The following EIF2B3 variants were observed in gnomAD, a reference collection of about 807,000 sequenced individuals.
EIF2B3 encodes translation initiation factor eIF2B subunit gamma.
In EIF2B3, 20 loss-of-function variants were observed where a neutral mutation model predicts 54.1. The ratio of observed to expected loss-of-function variants is 0.37; its 90% confidence interval spans 0.26 to 0.54. EIF2B3 has a LOEUF of 0.54. Among genes scored for constraint, EIF2B3 ranks in the 20% least tolerant of loss-of-function variants. The pLI is 0.86. For missense variants in EIF2B3, 448 were observed against 547.8 expected (o/e 0.82, Z 1.82); for synonymous variants, 153 against 188.1 (o/e 0.81, Z 1.52).
chr1:44,868,413 A>G (rs1452331032), intron 10 of EIF2B3, among the ~76,000 whole-genome samples: 2 of 151,308 alleles, frequency 1.3e-5, no homozygotes, highest in African/African-American at 4.8e-5. Flanking sequence ...AAAAAAAAAA[A>G]AAAAAAAAGA....
intron 4 of EIF2B3, among the ~76,000 whole-genome samples, chr1:44,934,409 CAA>C (rs1643924825): frequency 1.3e-5 from 2 of 151,948 alleles, no homozygotes; most frequent in African/African-American, 4.8e-5. Context: ...AAAAACAAAA[CAA>C]AACAAAACAA....
chr1:44,882,928 CTTTTTTTT>C (rs1003449669), intron 6 of EIF2B3, among the ~76,000 whole-genome samples: 1 of 114,456 alleles, frequency 8.7e-6, no homozygotes, highest in African/African-American at 3.5e-5. Context: ...TTTTCTTTTT[CTTTTTTTT>C]TTTTTTTTTT....
intron 3 of EIF2B3, among the ~76,000 whole-genome samples, chr1:44,966,970 T>C (rs1644348578): frequency 6.6e-6 from 1 of 151,770 alleles, no homozygotes; most frequent in African/African-American, 2.4e-5. Flanking sequence ...CACACGCCAC[T>C]ATGGCCAGCT....
rs147835328 is a variant in EIF2B3 at position 44,873,448 on chromosome 1, C to T, written c.1202+1230G>A. ...AATTTAGCTCTCCTTTCTCCCTTAC[C>T]CCCATTTCCCTTTCCATCTTTCATC... On this transcript the variant is annotated intron_variant, in intron 10 of 11. Coordinates refer to ENST00000360403, the MANE Select transcript of EIF2B3 (RefSeq NM_020365.5). 6.7e-3 allele frequency among the ~76,000 whole-genome samples: 1,015 copies of T among 152,128 alleles called. 13 individuals carry two copies. The highest frequency in any genetic ancestry group is 0.023 in the African/African-American group (964 of 41,502).
At chr1:44,985,184 A>G (rs567537631) in intron 1 of EIF2B3, among the ~76,000 whole-genome samples, 12 of 152,308 alleles carry the variant, frequency 7.9e-5, no homozygotes, top group African/African-American at 2.6e-4. Context: ...AAACCTTCGT[A>G]CTAATTGAGC....
At chr1:44,942,396 TATATATATATATATA>T (rs1644036748) in intron 3 of EIF2B3, among the ~76,000 whole-genome samples, 1 of 17,668 alleles carries the variant, frequency 5.7e-5, no homozygotes, top group Non-Finnish European at 1.1e-4. Flanking sequence ...TATATATATA[TATATATATATATATA>T]TATATATTTT....
intron 6 of EIF2B3, among the ~76,000 whole-genome samples, chr1:44,891,647 A>AAT (rs1655800686): frequency 6.6e-6 from 1 of 152,220 alleles, no homozygotes; most frequent in Non-Finnish European, 1.5e-5. Flanking sequence ...TCTTAACCTG[A>AAT]ATATAGTACT....
intron 6 of EIF2B3, among the ~76,000 whole-genome samples, chr1:44,884,437 C>T (rs572867485): frequency 8.5e-5 from 13 of 152,222 alleles, no homozygotes; most frequent in Admixed American, 7.8e-4. Context: ...AAGACAGAGG[C>T]AGAGGCTGAG....
At chr1:44,868,447 A>AT (rs2148898240) in intron 10 of EIF2B3, among the ~76,000 whole-genome samples, 1 of 149,476 alleles carries the variant, frequency 6.7e-6, no homozygotes, top group East Asian at 2.0e-4. Context: ...TTAGGGAGCC[A>AT]TGGTTTCCTC....
rs528634759 is a variant in EIF2B3 at position 44,908,455 on chromosome 1, A to G, written c.567-11011T>C. Among the ~76,000 whole-genome samples the G allele has an allele frequency of 2.0e-5, 3 of 152,338 alleles. No individual in the cohort carries two copies. The East Asian group carries it at 5.8e-4, about 29-fold the overall frequency. On this transcript the variant is annotated intron_variant, in intron 5 of 11. Transcript: ENST00000360403. ...GAAAAATAAGTTCTTAGCCAGGGAG[A>G]GAAGAGTAACTTTGGCTGAAGGATT...
chr1:44,945,887 C>G (rs1644096486), intron 3 of EIF2B3, among the ~76,000 whole-genome samples: 1 of 152,222 alleles, frequency 6.6e-6, no homozygotes, highest in Non-Finnish European at 1.5e-5. Context: ...GTTTACTGAT[C>G]TACAATAAAT....
At chr1:44,854,835 G>A (rs531655462) in intron 11 of EIF2B3, among the ~76,000 whole-genome samples, 299 of 152,070 alleles carry the variant, frequency 2.0e-3, no homozygotes, top group African/African-American at 6.8e-3. Context: ...GGATCCACCC[G>A]CCTCAGCCTC....
intron 3 of EIF2B3, among the ~76,000 whole-genome samples, chr1:44,953,342 A>G (rs890348365): frequency 7.9e-5 from 12 of 151,618 alleles, no homozygotes; most frequent in Admixed American, 2.6e-4. Flanking sequence ...CCTTCATATC[A>G]TAATTTCTCA....
At position 44,897,383 on chromosome 1, in the gene EIF2B3, A is replaced by AT; in HGVS notation, c.627dup (p.Tyr210IlefsTer18). 1 of 1,613,732 alleles carries AT rather than the reference A, an allele frequency of 6.2e-7. No homozygotes were observed. Among genetic ancestry groups the AT allele is most frequent in the Non-Finnish European group, 8.5e-7 (1 of 1,179,886 alleles). The stretch of plus-strand genomic sequence containing the variant: ...TTTTCCATTAGGAAATCCACGATGT[A>AT]TTTTTTCAAACAGTAGAGGTGGGCA... On this transcript the variant is annotated frameshift_variant, in exon 6 of 12. Transcript: ENST00000360403. LOFTEE classifies it high-confidence loss of function.
chr1:44,959,327 C>G, intron 3 of EIF2B3: 1 of 608,888 alleles, frequency 1.6e-6, no homozygotes, highest in Non-Finnish European at 3.0e-6. Context: ...AGTTTTGCCT[C>G]TCCTCTCTGA....
At chr1:44,939,305 T>C (rs775825804) in intron 4 of EIF2B3, among the ~76,000 whole-genome samples, 1 of 152,076 alleles carries the variant, frequency 6.6e-6, no homozygotes, top group Non-Finnish European at 1.5e-5. Context: ...ACTCCAGCTA[T>C]AGAAAGTTAC....
At chr1:44,921,939 G>A (rs1375492167) in intron 5 of EIF2B3, among the ~76,000 whole-genome samples, 1 of 149,572 alleles carries the variant, frequency 6.7e-6, no homozygotes, top group Non-Finnish European at 1.5e-5. Flanking sequence ...TTTTGAGATG[G>A]AGTCTTGCTC....
chr1:44,962,204 ACATCAT>A (rs113470749), intron 3 of EIF2B3, among the ~76,000 whole-genome samples: 103 of 146,442 alleles, frequency 7.0e-4, no homozygotes, highest in African/African-American at 2.1e-3. Flanking sequence ...ATCATCATCA[ACATCAT>A]CATCATCATC....
intron 3 of EIF2B3, among the ~76,000 whole-genome samples, chr1:44,952,351 C>T (rs942938444): frequency 7.9e-5 from 12 of 151,914 alleles, no homozygotes; most frequent in Non-Finnish European, 1.3e-4. Context: ...CCACCTGCCT[C>T]GGCCTCCCAA....
Sources: gnomAD v4.1 joint callset for allele counts (sites outside exome capture counted in the v4.1 genomes callset) on GRCh38, gnomAD v4.1.1 for gene constraint, MANE v1.5 for transcripts, NCBI Gene and HGNC (gene_info 2026-07-23, HGNC 2026-07-21) for gene names.